CNTN4: variants seen among roughly 807,000 people sequenced by gnomAD.
CNTN4 encodes the protein contactin-4.
A neutral mutation model predicts 122.5 loss-of-function variants in CNTN4; 77 were observed. The ratio of observed to expected loss-of-function variants is 0.63; its 90% confidence interval spans 0.52 to 0.76. The LOEUF (loss-of-function observed/expected upper bound fraction) is 0.76, where lower values mean the gene tolerates loss of function less well. Among genes scored for constraint, CNTN4 ranks in the 30% least tolerant of loss-of-function variants. The probability of loss-of-function intolerance (pLI) is 0.00; values close to 1 mark genes in which losing one functional copy is unlikely to be tolerated. For missense variants in CNTN4, 1,256 were observed against 1,259.1 expected, an observed-to-expected ratio of 1.00 and a Z score of 0.04; for synonymous variants, 512 against 447.0, an observed-to-expected ratio of 1.15 and a Z score of -1.83.
chr3:2,158,042 C>A (rs1220024318), intron 2 of CNTN4, among the ~76,000 whole-genome samples: 1 of 152,084 alleles, frequency 6.6e-6, no homozygotes, highest in Admixed American at 6.5e-5. Flanking sequence ...TTTTTGAATT[C>A]AATTTAATAG....
intron 13 of CNTN4, among the ~76,000 whole-genome samples, chr3:2,968,392 T>C (rs1195892673): frequency 2.0e-5 from 3 of 152,136 alleles, no homozygotes; most frequent in Non-Finnish European, 2.9e-5. Flanking sequence ...CCACAGACTA[T>C]AGCTACACAG....
intron 4 of CNTN4, among the ~76,000 whole-genome samples, chr3:2,572,342 C>A (rs1053442099): frequency 6.6e-6 from 1 of 152,102 alleles, no homozygotes; most frequent in South Asian, 2.1e-4. Context: ...GCCGAGATCG[C>A]GCCATTGCAC....
intron 2 of CNTN4, among the ~76,000 whole-genome samples, chr3:2,294,851 C>T (rs140764373): frequency 0.011 from 1,726 of 152,012 alleles, 10 homozygotes; most frequent in African/African-American, 0.027. Flanking sequence ...CAACAGTCCC[C>T]GGTGTGTGAT....
chr3:2,504,933 C>T (rs902379363), intron 3 of CNTN4, among the ~76,000 whole-genome samples: 2 of 152,124 alleles, frequency 1.3e-5, no homozygotes, highest in African/African-American at 4.8e-5. Context: ...ACAAAAAGCA[C>T]TGTGTGATCC....
chr3:2,925,022 G>C (rs929396672), intron 12 of CNTN4, among the ~76,000 whole-genome samples: 1 of 152,030 alleles, frequency 6.6e-6, no homozygotes, highest in African/African-American at 2.4e-5. Context: ...TTGTTCACTT[G>C]AACATACAAT....
chr3:2,766,263 G>A (rs1045517506), intron 6 of CNTN4, among the ~76,000 whole-genome samples: 4 of 152,040 alleles, frequency 2.6e-5, no homozygotes, highest in Non-Finnish European at 5.9e-5. Context: ...TCTACCTTTT[G>A]CTTTGTCAGT....
At chr3:2,959,833 A>T (rs1033782452) in intron 13 of CNTN4, among the ~76,000 whole-genome samples, 1 of 152,198 alleles carries the variant, frequency 6.6e-6, no homozygotes. Context: ...GAGGAAATTT[A>T]TAAGAAAATG....
At chr3:2,799,860 T>C (rs989065498) in intron 6 of CNTN4, among the ~76,000 whole-genome samples, 1 of 152,128 alleles carries the variant, frequency 6.6e-6, no homozygotes, top group Non-Finnish European at 1.5e-5. Flanking sequence ...TGACAATCCA[T>C]TTTTCCCAGC....
chr3:3,012,582 T>A (rs1198291370), intron 14 of CNTN4, among the ~76,000 whole-genome samples: 1 of 151,960 alleles, frequency 6.6e-6, no homozygotes, highest in African/African-American at 2.4e-5. Flanking sequence ...CCCAAGTAGC[T>A]GGGATTACAG....
At chr3:2,707,598 A>G (rs1427572644) in intron 4 of CNTN4, among the ~76,000 whole-genome samples, 3 of 151,946 alleles carry the variant, frequency 2.0e-5, no homozygotes. Context: ...AGTTTTTGTT[A>G]TTTTAACTTA....
At chr3:2,821,544 G>A (rs894745559) in intron 7 of CNTN4, among the ~76,000 whole-genome samples, 1 of 152,238 alleles carries the variant, frequency 6.6e-6, no homozygotes, top group East Asian at 1.9e-4. Context: ...TGGCAAAGGA[G>A]GTTGAAAAAT....
At chr3:2,606,750 T>G (rs972277481) in intron 4 of CNTN4, among the ~76,000 whole-genome samples, 5 of 152,250 alleles carry the variant, frequency 3.3e-5, no homozygotes, top group African/African-American at 9.6e-5. Context: ...ATAGCTGTGG[T>G]TTCCCTCTTT....
chr3:2,219,423 A>T (rs950508503), intron 2 of CNTN4, among the ~76,000 whole-genome samples: 6 of 152,124 alleles, frequency 3.9e-5, no homozygotes, highest in Non-Finnish European at 8.8e-5. Context: ...TTCTATTAGT[A>T]TACCTTTCAG....
intron 3 of CNTN4, among the ~76,000 whole-genome samples, chr3:2,480,395 T>C (rs1365145113): frequency 6.6e-6 from 1 of 152,230 alleles, no homozygotes; most frequent in Non-Finnish European, 1.5e-5. Context: ...CTCCTGGATG[T>C]AATAAATAAT....
At chr3:2,937,314 C>T (rs2094575620) in intron 13 of CNTN4, among the ~76,000 whole-genome samples, 1 of 152,156 alleles carries the variant, frequency 6.6e-6, no homozygotes, top group Admixed American at 6.5e-5. Flanking sequence ...AACTTCTTTT[C>T]ATGCCCCCAA....
At chr3:2,477,507 T>A (rs556478142) in intron 3 of CNTN4, among the ~76,000 whole-genome samples, 1 of 152,190 alleles carries the variant, frequency 6.6e-6, no homozygotes, top group Admixed American at 6.5e-5. Context: ...CAGAACTGAG[T>A]CTTAGTGAGC....
intron 22 of CNTN4, 41 bp from the exon 23 acceptor site, chr3:3,043,551 C>A: frequency 6.9e-7 from 1 of 1,442,422 alleles, no homozygotes; most frequent in Non-Finnish European, 9.8e-7. Context: ...TCCATTGAGA[C>A]TTAATAATCT....
chr3:2,913,681 C>A (rs1026539689), intron 12 of CNTN4, among the ~76,000 whole-genome samples: 1 of 152,102 alleles, frequency 6.6e-6, no homozygotes, highest in Non-Finnish European at 1.5e-5. Flanking sequence ...ATTGACAGAA[C>A]TGAAGAGAGA....
intron 3 of CNTN4, among the ~76,000 whole-genome samples, chr3:2,353,482 G>C (rs1045800736): frequency 6.6e-6 from 1 of 152,016 alleles, no homozygotes; most frequent in Non-Finnish European, 1.5e-5. Context: ...CACTCTTTGG[G>C]TCTGCACTGC....
Sources: allele counts gnomAD v4.1 joint callset (sites outside exome capture counted in the v4.1 genomes callset), GRCh38; gene constraint gnomAD v4.1.1; transcripts MANE v1.5; gene names NCBI Gene and HGNC (gene_info 2026-07-23, HGNC 2026-07-21).